The following SLC24A2 variants were observed in gnomAD, a reference collection of about 807,000 sequenced individuals.
SLC24A2 encodes the protein sodium/potassium/calcium exchanger 2.
SLC24A2 carries 36 observed loss-of-function variants against 62.0 expected under a neutral mutation model. The observed-to-expected ratio is 0.58, with a 90% CI of 0.44 to 0.77. The LOEUF is 0.77. Ranked by LOEUF, SLC24A2 falls within the 30% of genes least tolerant of loss-of-function variation. The pLI, the probability that SLC24A2 is intolerant of heterozygous loss-of-function variation, is 0.00. For missense variants in SLC24A2, 846 were observed against 817.9 expected (o/e 1.03, Z -0.42); for synonymous variants, 358 against 294.0 (o/e 1.22, Z -2.23).
chr9:20,289,008 C>T, the SLC24A2 span, among the ~76,000 whole-genome samples: 24,146 of 151,904 alleles, frequency 0.16, 2,530 homozygotes, highest in East Asian at 0.28. Context: ...ATTCCAGCCA[C>T]TAGATTTCAG....
At chr9:19,529,751 GTTT>G (rs72029564) in intron 8 of SLC24A2, among the ~76,000 whole-genome samples, 3 of 136,014 alleles carry the variant, frequency 2.2e-5, no homozygotes, top group Admixed American at 7.4e-5. Context: ...GGAGACCTTC[GTTT>G]TTTTTTTTTT....
the SLC24A2 span, among the ~76,000 whole-genome samples, chr9:19,907,848 G>T: frequency 1.4e-3 from 220 of 152,136 alleles, 1 homozygote; most frequent in African/African-American, 5.1e-3. Flanking sequence ...TACAAACAAA[G>T]GGAAGAACAT....
At chr9:19,785,896 T>C (rs760220044) in intron 2 of SLC24A2, 41 bp downstream of exon 2, 13 of 1,613,726 alleles carry the variant, frequency 8.1e-6, no homozygotes, top group Middle Eastern at 1.7e-4. Flanking sequence ...TTCAGAACCG[T>C]AGTCAAGAAA....
the SLC24A2 span, among the ~76,000 whole-genome samples, chr9:20,060,158 A>T: frequency 6.6e-6 from 1 of 151,476 alleles, no homozygotes; most frequent in Admixed American, 6.6e-5. Flanking sequence ...AATTAGTAAT[A>T]AAAAAAAATC....
the SLC24A2 span, among the ~76,000 whole-genome samples, chr9:20,189,086 T>C: frequency 9.3e-6 from 1 of 107,378 alleles, no homozygotes; most frequent in Non-Finnish European, 1.7e-5. Context: ...CTTTTTTTTT[T>C]TTTTTTCCCA....
chr9:19,697,832 T>C (rs1381676052), intron 2 of SLC24A2, among the ~76,000 whole-genome samples: 1 of 152,132 alleles, frequency 6.6e-6, no homozygotes, highest in Admixed American at 6.6e-5. Flanking sequence ...AACTTTACAT[T>C]TTTTTGATAT....
At chr9:19,692,760 T>C (rs1820079635) in intron 2 of SLC24A2, among the ~76,000 whole-genome samples, 2 of 152,170 alleles carry the variant, frequency 1.3e-5, no homozygotes, top group South Asian at 2.1e-4. Context: ...AGGGACTTTA[T>C]ATTAGTCATG....
chr9:20,026,795 C>T, the SLC24A2 span, among the ~76,000 whole-genome samples: 30 of 152,056 alleles, frequency 2.0e-4, no homozygotes, highest in African/African-American at 6.5e-4. Context: ...ACCTTAAAAG[C>T]ACAGGCAACA....
the SLC24A2 span, among the ~76,000 whole-genome samples, chr9:20,022,039 T>C: frequency 6.6e-6 from 1 of 152,198 alleles, no homozygotes. Flanking sequence ...TAATTTACTC[T>C]ATGTCTACTG....
chr9:20,061,697 A>G, the SLC24A2 span, among the ~76,000 whole-genome samples: 7 of 152,366 alleles, frequency 4.6e-5, no homozygotes, highest in Non-Finnish European at 7.3e-5. Context: ...AAAATGGATC[A>G]TCAATATCAA....
At chr9:19,737,344 A>C (rs1236499370) in intron 2 of SLC24A2, among the ~76,000 whole-genome samples, 1 of 152,248 alleles carries the variant, frequency 6.6e-6, no homozygotes, top group South Asian at 2.1e-4. Flanking sequence ...ACTGAAAATT[A>C]GCAAAATGTC....
the SLC24A2 span, among the ~76,000 whole-genome samples, chr9:19,961,500 T>A: frequency 2.0e-5 from 3 of 152,160 alleles, no homozygotes; most frequent in Non-Finnish European, 4.4e-5. Flanking sequence ...GGAAAGTAAG[T>A]TTCATCCTTT....
At chr9:19,931,354 AT>A in the SLC24A2 span, among the ~76,000 whole-genome samples, 5 of 152,190 alleles carry the variant, frequency 3.3e-5, no homozygotes, top group South Asian at 2.1e-4. Context: ...TTAAAAATAG[AT>A]TTTTTTCACA....
the SLC24A2 span, among the ~76,000 whole-genome samples, chr9:20,274,719 A>G: frequency 4.6e-5 from 7 of 152,134 alleles, no homozygotes; most frequent in South Asian, 2.1e-4. Context: ...CAATGATGAC[A>G]GAAGAAGCTT....
chr9:20,270,620 G>C, the SLC24A2 span, among the ~76,000 whole-genome samples: 2 of 152,264 alleles, frequency 1.3e-5, no homozygotes, highest in East Asian at 1.9e-4. Context: ...GTCTCTGCTA[G>C]AGAGGTAAAG....
At chr9:20,107,645 G>T in the SLC24A2 span, among the ~76,000 whole-genome samples, 16,802 of 151,942 alleles carry the variant, frequency 0.11, 983 homozygotes, top group Middle Eastern at 0.17. Flanking sequence ...TAGCCATATG[G>T]AGAAAGCTGA....
intron 2 of SLC24A2, among the ~76,000 whole-genome samples, chr9:19,718,935 C>T (rs1037799122): frequency 5.3e-5 from 8 of 152,152 alleles, no homozygotes; most frequent in African/African-American, 1.9e-4. Context: ...GGACACATTT[C>T]CCTTGACACA....
intron 2 of SLC24A2, among the ~76,000 whole-genome samples, chr9:19,711,755 A>G (rs1189842526): frequency 6.6e-6 from 1 of 152,244 alleles, no homozygotes. Flanking sequence ...AGAGTCACTG[A>G]GTAATACTCA....
At chr9:20,237,781 C>A in the SLC24A2 span, among the ~76,000 whole-genome samples, 260 of 152,194 alleles carry the variant, frequency 1.7e-3, 1 homozygote, top group African/African-American at 5.8e-3. Flanking sequence ...TTTCTTAGCC[C>A]TATCTTCATA....
Sources: allele counts gnomAD v4.1 joint callset (sites outside exome capture counted in the v4.1 genomes callset), GRCh38; gene constraint gnomAD v4.1.1; transcripts MANE v1.5; gene names NCBI Gene and HGNC (gene_info 2026-07-23, HGNC 2026-07-21).